The following ANKS1B variants were observed in gnomAD, a reference collection of about 807,000 sequenced individuals.
ANKS1B encodes ankyrin repeat and sterile alpha motif domain-containing protein 1B.
In ANKS1B, 36 loss-of-function variants were observed where a neutral mutation model predicts 148.3. That is an observed-to-expected ratio of 0.24 (90% CI 0.19 to 0.32). The LOEUF (loss-of-function observed/expected upper bound fraction) is 0.32. Ranked by LOEUF, ANKS1B falls within the 10% of genes least tolerant of loss-of-function variation. ANKS1B has a pLI of 1.00. For synonymous variants in ANKS1B, 542 were observed against 560.8 expected, an observed-to-expected ratio of 0.97 and a Z score of 0.47; for missense variants, 1,157 against 1,542.6, an observed-to-expected ratio of 0.75 and a Z score of 4.19.
At chr12:99,024,858 T>C (rs1022836835) in intron 17 of ANKS1B, among the ~76,000 whole-genome samples, 2 of 152,184 alleles carry the variant, frequency 1.3e-5, no homozygotes, top group Non-Finnish European at 2.9e-5. Flanking sequence ...CAGGGCCATG[T>C]ACCAGGCAAT....
rs982288899 is a variant in ANKS1B at position 99,277,153 on chromosome 12, C to T, written c.1757-30289G>A. Among the ~76,000 whole-genome samples, 8 of 152,132 alleles carry T rather than the reference C, an allele frequency of 5.3e-5. No homozygotes were observed. The East Asian group carries it at 5.8e-4, about 11-fold the overall frequency. On this transcript the variant is annotated intron_variant, in intron 12 of 26. Coordinates refer to ENST00000683438, the MANE Select transcript of ANKS1B (RefSeq NM_001352186.2). ...ATTTTGATGTATTAAAAAACTGAGA[C>T]GTGATAGTCTCCAGGTGCCATCTGA...
rs141522597 is a variant in ANKS1B, at chr12:99,876,050, G to A, written c.135-50661C>T. On this transcript the variant is annotated intron_variant, in intron 1 of 26. Coordinates refer to ENST00000683438, the MANE Select transcript of ANKS1B (RefSeq NM_001352186.2). Reference sequence around the variant, plus strand: ...CAAGAGGAATCCAAGACAGCAATATGTAAACTGCTTCGATTGAGGTAGGGG... The same window carrying A: ...CAAGAGGAATCCAAGACAGCAATATATAAACTGCTTCGATTGAGGTAGGGG... Among the ~76,000 whole-genome samples the A allele has an allele frequency of 7.2e-3, 1,096 of 152,240 alleles. 11 individuals are homozygous for A. The highest frequency in any genetic ancestry group is 0.025 in the African/African-American group (1,035 of 41,544).
At chr12:98,740,898 T>G (rs2097795158), downstream of ANKS1B, among the ~76,000 whole-genome samples, 1 of 152,190 alleles carries the variant, frequency 6.6e-6, no homozygotes, top group Non-Finnish European at 1.5e-5. Flanking sequence ...TTCTAATGCC[T>G]GGAATATGTG....
chr12:98,958,910 G>T (rs545209897), intron 17 of ANKS1B, among the ~76,000 whole-genome samples: 1 of 152,260 alleles, frequency 6.6e-6, no homozygotes, highest in African/African-American at 2.4e-5. Context: ...ATCACGTAGG[G>T]AGACTATCTT....
In ANKS1B at chr12:98,900,857, G is replaced by A. The variant is rs543996085; in HGVS notation, c.2779-68721C>T. Among the ~76,000 whole-genome samples, 32 of 152,254 alleles carry A rather than the reference G, an allele frequency of 2.1e-4. 1 individual carries two copies. Among genetic ancestry groups the A allele is most frequent in the African/African-American group, 7.5e-4 (31 of 41,556 alleles). ...GGGATAGGAAAGTAAATTAGAGATG[G>A]ACTCTAATCTTGTGGAACTCTCTCT... On this transcript the variant is annotated intron_variant, in intron 17 of 26. Coordinates refer to ENST00000683438, the MANE Select transcript of ANKS1B (RefSeq NM_001352186.2).
At chr12:98,826,461 G>T (rs1306750395) in intron 19 of ANKS1B, among the ~76,000 whole-genome samples, 1 of 152,042 alleles carries the variant, frequency 6.6e-6, no homozygotes, top group Non-Finnish European at 1.5e-5. Context: ...CATCTGGTAA[G>T]CAGACCTCAA....
chr12:99,671,695 A>C (rs889620763), intron 8 of ANKS1B, among the ~76,000 whole-genome samples: 3 of 152,150 alleles, frequency 2.0e-5, no homozygotes, highest in African/African-American at 7.2e-5. Flanking sequence ...AAATGAATAT[A>C]AATTAGACAT....
At chr12:99,010,312 T>C (rs1221997471) in intron 17 of ANKS1B, among the ~76,000 whole-genome samples, 1 of 152,220 alleles carries the variant, frequency 6.6e-6, no homozygotes, top group African/African-American at 2.4e-5. Context: ...CCTCAAAGGG[T>C]TGTTGTGAGG....
At chr12:98,808,879 C>G (rs2099071633) in intron 19 of ANKS1B, among the ~76,000 whole-genome samples, 1 of 152,160 alleles carries the variant, frequency 6.6e-6, no homozygotes, top group Non-Finnish European at 1.5e-5. Context: ...CATTCACAAG[C>G]AGTCCGTACA....
At chr12:99,242,200 G>C (rs1484447908) in intron 14 of ANKS1B, among the ~76,000 whole-genome samples, 1 of 152,054 alleles carries the variant, frequency 6.6e-6, no homozygotes, top group Non-Finnish European at 1.5e-5. Flanking sequence ...CAAAATCTCA[G>C]GATACAAAAT....
intron 15 of ANKS1B, among the ~76,000 whole-genome samples, chr12:99,091,460 A>T (rs2053958118): frequency 6.6e-6 from 1 of 152,186 alleles, no homozygotes; most frequent in African/African-American, 2.4e-5. Flanking sequence ...GTATTTGTAA[A>T]AGAGTGCAAA....
At chr12:99,719,118 G>A (rs995046002) in intron 8 of ANKS1B, among the ~76,000 whole-genome samples, 3 of 152,136 alleles carry the variant, frequency 2.0e-5, no homozygotes, top group African/African-American at 7.2e-5. Flanking sequence ...TGACCTTACT[G>A]TTTTAGCCTA....
At chr12:99,055,096 G>C (rs1286209402) in intron 16 of ANKS1B, among the ~76,000 whole-genome samples, 3 of 152,222 alleles carry the variant, frequency 2.0e-5, no homozygotes, top group Non-Finnish European at 4.4e-5. Flanking sequence ...TATAAGATCA[G>C]AGGCTAGGAC....
intron 8 of ANKS1B, among the ~76,000 whole-genome samples, chr12:99,718,358 G>A (rs965521430): frequency 1.0e-3 from 157 of 151,758 alleles, no homozygotes; most frequent in East Asian, 9.7e-4. Context: ...CCTCCTTTGC[G>A]TCCTCCTCTT....
chr12:99,788,471 C>T (rs2065239411), intron 4 of ANKS1B, among the ~76,000 whole-genome samples: 1 of 152,174 alleles, frequency 6.6e-6, no homozygotes, highest in Non-Finnish European at 1.5e-5. Context: ...GCAGCAATAA[C>T]TGGGAGTACA....
intron 14 of ANKS1B, among the ~76,000 whole-genome samples, chr12:99,156,801 A>AT (rs2076110160): frequency 6.6e-6 from 1 of 152,156 alleles, no homozygotes; most frequent in Non-Finnish European, 1.5e-5. Flanking sequence ...TGTCTGACTT[A>AT]TTTTTTGAAA....
At chr12:99,695,513 C>A (rs2053752351) in intron 8 of ANKS1B, among the ~76,000 whole-genome samples, 4 of 152,130 alleles carry the variant, frequency 2.6e-5, no homozygotes, top group African/African-American at 9.7e-5. Flanking sequence ...GAAGTTCCAG[C>A]CAGAATTCAT....
At chr12:99,978,630 T>A (rs990199596) in intron 1 of ANKS1B, among the ~76,000 whole-genome samples, 1 of 152,218 alleles carries the variant, frequency 6.6e-6, no homozygotes, top group African/African-American at 2.4e-5. Flanking sequence ...GTTTCTTATA[T>A]CAGGGTCCCA....
At chr12:99,144,887 C>T (rs554194323) in intron 15 of ANKS1B, among the ~76,000 whole-genome samples, 4 of 152,168 alleles carry the variant, frequency 2.6e-5, no homozygotes, top group African/African-American at 9.6e-5. Context: ...ACCAACCCTG[C>T]TGGCACTTTG....
Sources: allele counts gnomAD v4.1 joint callset (sites outside exome capture counted in the v4.1 genomes callset), GRCh38; gene constraint gnomAD v4.1.1; transcripts MANE v1.5; gene names NCBI Gene and HGNC (gene_info 2026-07-23, HGNC 2026-07-21).